The following RAPH1 variants were observed in gnomAD, a reference collection of about 807,000 sequenced individuals.
RAPH1 encodes ras-associated and pleckstrin homology domains-containing protein 1.
RAPH1 carries 18 observed loss-of-function variants against 88.1 expected under a neutral mutation model. The observed-to-expected ratio is 0.20, with a 90% confidence interval of 0.14 to 0.30. The LOEUF (loss-of-function observed/expected upper bound fraction) is 0.30. Among genes scored for constraint, RAPH1 ranks in the 10% least tolerant of loss-of-function variants. RAPH1 has a pLI of 1.00. For missense variants in RAPH1, 1,448 were observed against 1,543.2 expected, an observed-to-expected ratio of 0.94 and a Z score of 1.03; for synonymous variants, 587 against 559.0, an observed-to-expected ratio of 1.05 and a Z score of -0.71.
chr2:203,470,294 T>C, intron 4 of RAPH1: 1 of 1,612,004 alleles, frequency 6.2e-7, no homozygotes, highest in Non-Finnish European at 8.5e-7. Flanking sequence ...AAGGGAGGTT[T>C]CCCTGTCCAG....
chr2:203,505,906 G>A (rs1366580475), intron 1 of RAPH1, among the ~76,000 whole-genome samples: 1 of 152,194 alleles, frequency 6.6e-6, no homozygotes, highest in African/African-American at 2.4e-5. Context: ...ACTACATAGT[G>A]TAGCTATTTA....
intron 1 of RAPH1, among the ~76,000 whole-genome samples, chr2:203,531,310 C>T (rs957634843): frequency 1.3e-5 from 2 of 151,786 alleles, no homozygotes; most frequent in Admixed American, 6.6e-5. Flanking sequence ...ATGTAAATGA[C>T]GAGTCAATGG....
chr2:203,505,440 T>TA (rs981722909), intron 1 of RAPH1, among the ~76,000 whole-genome samples: 2 of 101,214 alleles, frequency 2.0e-5, no homozygotes, highest in Non-Finnish European at 4.6e-5. Context: ...ATGATTAAAT[T>TA]ACCCCCCCCG....
chr2:203,494,015 A>T (rs1688397929), intron 2 of RAPH1, among the ~76,000 whole-genome samples: 1 of 151,330 alleles, frequency 6.6e-6, no homozygotes, highest in African/African-American at 2.4e-5. Flanking sequence ...AGAAAAAAAA[A>T]AATCCCCCCA....
At position 203,485,943 on chromosome 2, in the gene RAPH1, T is replaced by TG. The variant is rs539759162; in HGVS notation, c.732+3640dup. Among the ~76,000 whole-genome samples, 186 of 152,148 alleles carry TG rather than the reference T, an allele frequency of 1.2e-3. 1 individual carries two copies. The highest frequency in any genetic ancestry group is 4.2e-3 in the African/African-American group (176 of 41,506). ...AAGGATTTGATGAAAGTTCATAGAC[T>TG]GGAACAATGGGGACCATCCTCATGT... On this transcript the variant is annotated intron_variant, in intron 4 of 13. Coordinates refer to ENST00000319170, the MANE Select transcript of RAPH1 (RefSeq NM_213589.3).
chr2:203,462,510 T>A (rs2098524936), intron 4 of RAPH1, among the ~76,000 whole-genome samples: 1 of 152,366 alleles, frequency 6.6e-6, no homozygotes, highest in South Asian at 2.1e-4. Flanking sequence ...CCTTATTGCG[T>A]AAGTTTCACT....
chr2:203,455,590 C>G lies in RAPH1; in HGVS notation c.1159-10G>C. 6.2e-7 allele frequency: 1 copy of G among 1,610,072 alleles called. No homozygotes were observed. Among genetic ancestry groups the G allele is most frequent in the Non-Finnish European group, 8.5e-7 (1 of 1,177,974 alleles). The stretch of plus-strand genomic sequence containing the variant: ...TTCCACAAAAACATTCCTAAAATAA[C>G]AAGATTATTTGCAAAGACTTATGAT... On this transcript the variant is annotated splice_polypyrimidine_tract_variant and intron_variant, in intron 8 of 13. Transcript: ENST00000319170.
intron 3 of RAPH1, 77 bp downstream of exon 3, chr2:203,491,137 G>T: frequency 1.3e-6 from 1 of 780,202 alleles, no homozygotes; most frequent in Non-Finnish European, 2.1e-6. Flanking sequence ...TTTTTATATT[G>T]GGAATTGCAG....
At chr2:203,525,348 T>C (rs1690068311) in intron 1 of RAPH1, among the ~76,000 whole-genome samples, 1 of 151,924 alleles carries the variant, frequency 6.6e-6, no homozygotes, top group South Asian at 2.1e-4. Context: ...ACCATGCCAA[T>C]TTTTGTATTT....
chr2:203,469,731 T>C (rs1298635057), intron 4 of RAPH1, among the ~76,000 whole-genome samples: 2 of 152,180 alleles, frequency 1.3e-5, no homozygotes, highest in Admixed American at 1.3e-4. Flanking sequence ...ATTCAAAACA[T>C]TCCAAGGGCA....
intron 12 of RAPH1, 102 bp from the exon 13 acceptor site, chr2:203,445,112 T>C: frequency 1.0e-6 from 1 of 970,806 alleles, no homozygotes; most frequent in Non-Finnish European, 1.5e-6. Context: ...TCAAGTGCTG[T>C]GTACAACAGC....
chr2:203,506,864 A>ATATCTC (rs1270087318), intron 1 of RAPH1, among the ~76,000 whole-genome samples: 3 of 30,558 alleles, frequency 9.8e-5, no homozygotes, highest in Non-Finnish European at 2.4e-4. Flanking sequence ...ATCTATATAT[A>ATATCTC]TATATATATA....
intron 5 of RAPH1, 152 bp from the exon 6 acceptor site, chr2:203,461,560 A>AATCAG (rs71718262): frequency 0.49 from 258,565 of 530,380 alleles, 69,277 homozygotes; most frequent in Middle Eastern, 0.63. Context: ...ATAGGCTAAA[A>AATCAG]ATCAGACATC....
rs2098498046 is a variant in RAPH1, at chr2:203,435,773, C to G, written c.*3664G>C. ...ACAAAAATAGGAATGGGTTTTTTACCTGTTTAAAGTCACTTTGTGTTTATA... is the reference window on the plus strand; with the variant it reads ...ACAAAAATAGGAATGGGTTTTTTACGTGTTTAAAGTCACTTTGTGTTTATA... On this transcript the variant is annotated 3_prime_UTR_variant, in exon 14 of 14. Coordinates refer to ENST00000319170, the MANE Select transcript of RAPH1 (RefSeq NM_213589.3). The G allele has an allele frequency of 6.6e-6, 1 of 152,022 alleles. No individual in the cohort carries two copies. Among genetic ancestry groups the G allele is most frequent in the South Asian group, 2.1e-4 (1 of 4,818 alleles). The allele number at this position is 152,022 out of a possible 1,614,324, so 9.4% of individuals were successfully genotyped here.
chr2:203,532,253 G>A (rs932012738), intron 1 of RAPH1, among the ~76,000 whole-genome samples: 13 of 152,172 alleles, frequency 8.5e-5, no homozygotes, highest in African/African-American at 2.9e-4. Flanking sequence ...TGATCATAGC[G>A]CACTGTGGCT....
At chr2:203,508,267 G>A (rs1345431816) in intron 1 of RAPH1, among the ~76,000 whole-genome samples, 1 of 150,852 alleles carries the variant, frequency 6.6e-6, no homozygotes, top group Non-Finnish European at 1.5e-5. Flanking sequence ...AATATACACT[G>A]GGGTTACAGG....
chr2:203,441,647 A>G, intron 13 of RAPH1: 1 of 1,329,682 alleles, frequency 7.5e-7, no homozygotes. Flanking sequence ...AAATAGCTAG[A>G]CCATCTAACA....
At chr2:203,522,357 C>A (rs1462731765) in intron 1 of RAPH1, among the ~76,000 whole-genome samples, 1 of 152,138 alleles carries the variant, frequency 6.6e-6, no homozygotes, top group African/African-American at 2.4e-5. Flanking sequence ...GGACAGCATG[C>A]AGTGTTTATG....
At position 203,495,373 on chromosome 2, in the gene RAPH1, G is replaced by A. The variant is rs1688468822; in HGVS notation, c.1-20C>T. The A allele has an allele frequency of 1.2e-6, 2 of 1,613,122 alleles. No homozygotes were observed. Among genetic ancestry groups the A allele is most frequent in the Non-Finnish European group, 8.5e-7 (1 of 1,179,590 alleles). On this transcript the variant is annotated intron_variant, in intron 1 of 13. Transcript: ENST00000319170. The stretch of plus-strand genomic sequence containing the variant: ...CTCCATCTGAAATACAGACATTTGT[G>A]TAGAATGAATAGTAAGTTACAGGTT...
Sources: gnomAD v4.1 joint callset for allele counts (sites outside exome capture counted in the v4.1 genomes callset) on GRCh38, gnomAD v4.1.1 for gene constraint, MANE v1.5 for transcripts, NCBI Gene and HGNC (gene_info 2026-07-23, HGNC 2026-07-21) for gene names.